Variants in PITPNC1 observed in about 807,000 individuals in gnomAD.
The protein encoded by PITPNC1 is phosphatidylinositol transfer protein cytoplasmic 1.
A neutral mutation model predicts 44.7 loss-of-function variants in PITPNC1; 18 were observed. That is an observed-to-expected ratio of 0.40 (90% CI 0.28 to 0.60). PITPNC1 has a LOEUF of 0.60. PITPNC1 is among the 20% of genes least tolerant of loss of function. The pLI, the probability that PITPNC1 is intolerant of heterozygous loss-of-function variation, is 0.39. For synonymous variants in PITPNC1, 141 were observed against 149.6 expected (o/e 0.94, Z 0.42); for missense variants, 290 against 418.4 (o/e 0.69, Z 2.68).
chr17:67,620,659 G>T (rs2041817747), intron 5 of PITPNC1, among the ~76,000 whole-genome samples: 3 of 152,072 alleles, frequency 2.0e-5, no homozygotes, highest in African/African-American at 7.2e-5. Context: ...TGCGCCAAAG[G>T]CCTAATGATA....
chr17:67,379,158 C>G lies in PITPNC1; in HGVS notation c.48+956C>G, dbSNP rs2037919210. The G allele has an allele frequency of 1.0e-5, 10 of 985,784 alleles. No individual in the cohort carries two copies. In the South Asian group the frequency reaches 1.4e-4, roughly 14 times the overall value. 61.1% of individuals were successfully genotyped at this position (985,784 alleles called of 1,614,324 possible). ...CCAGGGACAGCGAGGGAGCCCAAAGCCAAGCAAGGCAACGTGAAACTCACT... is the reference window on the plus strand; with the variant it reads ...CCAGGGACAGCGAGGGAGCCCAAAGGCAAGCAAGGCAACGTGAAACTCACT... On this transcript the variant is annotated intron_variant, in intron 1 of 8. Transcript: ENST00000581322.
At chr17:67,558,529 G>A (rs1472359982) in intron 4 of PITPNC1, among the ~76,000 whole-genome samples, 1 of 152,012 alleles carries the variant, frequency 6.6e-6, no homozygotes, top group African/African-American at 2.4e-5. Flanking sequence ...TTCAGCCTTG[G>A]TACTAATGAA....
chr17:67,549,868 C>A (rs1344576597), intron 2 of PITPNC1, among the ~76,000 whole-genome samples: 4 of 152,138 alleles, frequency 2.6e-5, no homozygotes, highest in African/African-American at 9.7e-5. Context: ...GATTCTCCAA[C>A]CCTGAGTCAG....
At chr17:67,595,369 T>C (rs1229564851) in intron 5 of PITPNC1, among the ~76,000 whole-genome samples, 2 of 152,188 alleles carry the variant, frequency 1.3e-5, no homozygotes, top group African/African-American at 2.4e-5. Context: ...CCATCATCTT[T>C]ATAAAATGGA....
chr17:67,521,994 A>C (rs775468913), intron 1 of PITPNC1, among the ~76,000 whole-genome samples: 21 of 152,148 alleles, frequency 1.4e-4, no homozygotes, highest in South Asian at 4.1e-4. Context: ...GGAATCCTCC[A>C]GAATGGTCAT....
intron 5 of PITPNC1, among the ~76,000 whole-genome samples, chr17:67,630,183 C>T (rs558194339): frequency 9.9e-5 from 15 of 152,260 alleles, no homozygotes; most frequent in African/African-American, 3.6e-4. Flanking sequence ...TATCAACCAC[C>T]CTGTTCTTCC....
chr17:67,463,829 C>T (rs540097702), intron 1 of PITPNC1, among the ~76,000 whole-genome samples: 1 of 151,952 alleles, frequency 6.6e-6, no homozygotes, highest in African/African-American at 2.4e-5. Flanking sequence ...ATCGTTTAAG[C>T]CCGAAAGGCA....
chr17:67,543,953 C>T (rs145295069), intron 2 of PITPNC1, among the ~76,000 whole-genome samples: 20 of 152,276 alleles, frequency 1.3e-4, no homozygotes, highest in African/African-American at 4.3e-4. Flanking sequence ...CAGGTTCAAG[C>T]GATTCTCCCG....
intron 1 of PITPNC1, among the ~76,000 whole-genome samples, chr17:67,448,136 G>A (rs1159911255): frequency 6.6e-6 from 1 of 151,706 alleles, no homozygotes; most frequent in East Asian, 1.9e-4. Context: ...AGTAGAGACA[G>A]GGGTTTCTCC....
intron 1 of PITPNC1, among the ~76,000 whole-genome samples, chr17:67,498,716 T>G (rs775490327): frequency 5.9e-5 from 9 of 152,218 alleles, no homozygotes; most frequent in Non-Finnish European, 1.2e-4. Flanking sequence ...TGTTATTTTC[T>G]GTTATTTTGA....
At chr17:67,608,011 T>C (rs1200204084) in intron 5 of PITPNC1, among the ~76,000 whole-genome samples, 1 of 152,112 alleles carries the variant, frequency 6.6e-6, no homozygotes, top group Non-Finnish European at 1.5e-5. Context: ...ATTACAGGCA[T>C]GAGCCACCGG....
chr17:67,392,859 C>CCTGTAATCCTA (rs1238520595), intron 1 of PITPNC1, among the ~76,000 whole-genome samples: 2 of 152,052 alleles, frequency 1.3e-5, no homozygotes. Context: ...GTGGCTTACA[C>CCTGTAATCCTA]CTGTAATCCT....
At chr17:67,510,839 T>G (rs2040176169) in intron 1 of PITPNC1, among the ~76,000 whole-genome samples, 1 of 152,128 alleles carries the variant, frequency 6.6e-6, no homozygotes, top group African/African-American at 2.4e-5. Context: ...ATCCTCATTC[T>G]CTCTTCCCCA....
intron 1 of PITPNC1, among the ~76,000 whole-genome samples, chr17:67,399,253 TCTG>T (rs2038271800): frequency 6.6e-6 from 1 of 152,102 alleles, no homozygotes. Flanking sequence ...GACCTTGTGA[TCTG>T]CTCACCTCGG....
intron 1 of PITPNC1, among the ~76,000 whole-genome samples, chr17:67,494,886 T>C (rs1056326880): frequency 5.3e-5 from 8 of 151,724 alleles, no homozygotes; most frequent in Non-Finnish European, 1.2e-4. Flanking sequence ...GGCAGGAGGA[T>C]CATTTGAGCC....
chr17:67,442,516 G>A (rs528670513), intron 1 of PITPNC1, among the ~76,000 whole-genome samples: 4 of 151,450 alleles, frequency 2.6e-5, no homozygotes, highest in South Asian at 2.1e-4. Context: ...TATTTTCATC[G>A]TGAATTTCCT....
chr17:67,595,833 G>GA (rs1190553858), intron 5 of PITPNC1, among the ~76,000 whole-genome samples: 1 of 152,138 alleles, frequency 6.6e-6, no homozygotes, highest in Non-Finnish European at 1.5e-5. Context: ...AGCTTCATCT[G>GA]AAAATGTTTC....
chr17:67,538,539 G>A (rs527627475), intron 2 of PITPNC1, among the ~76,000 whole-genome samples: 9 of 152,300 alleles, frequency 5.9e-5, no homozygotes, highest in Non-Finnish European at 8.8e-5. Flanking sequence ...GGTGGAGGTT[G>A]CAATGAGCCA....
At chr17:67,687,030 A>T in intron 8 of PITPNC1, 1 of 1,188,076 alleles carries the variant, frequency 8.4e-7, no homozygotes, top group Non-Finnish European at 1.3e-6. Context: ...GTTTGCATCT[A>T]ATAACGGAAG....
Sources: allele counts gnomAD v4.1 joint callset (sites outside exome capture counted in the v4.1 genomes callset), GRCh38; gene constraint gnomAD v4.1.1; transcripts MANE v1.5; gene names NCBI Gene and HGNC (gene_info 2026-07-23, HGNC 2026-07-21).